SCG3: variants seen among roughly 807,000 people sequenced by gnomAD.
SCG3 encodes the protein secretogranin III, also known as secretogranin-3.
In SCG3, 38 loss-of-function variants were observed where a neutral mutation model predicts 56.2. The ratio of observed to expected loss-of-function variants is 0.68; its 90% CI spans 0.52 to 0.89. The LOEUF (loss-of-function observed/expected upper bound fraction) is 0.89. SCG3 is among the 40% of genes least tolerant of loss of function. The pLI is 0.00. For synonymous variants in SCG3, 176 were observed against 184.2 expected, an observed-to-expected ratio of 0.96 and a Z score of 0.36; for missense variants, 524 against 540.7, an observed-to-expected ratio of 0.97 and a Z score of 0.31.
chr15:51,713,233 A>G (rs571938354), intron 10 of SCG3, 100 bp from the exon 11 acceptor site: 11 of 765,782 alleles, frequency 1.4e-5, no homozygotes, highest in African/African-American at 5.3e-5. Context: ...CAAATGCTGC[A>G]TAAGTCTAAT....
intron 10 of SCG3, among the ~76,000 whole-genome samples, chr15:51,709,043 C>T (rs1567222021): frequency 6.6e-6 from 1 of 152,096 alleles, no homozygotes; most frequent in African/African-American, 2.4e-5. Flanking sequence ...AATACATACC[C>T]GAGACTGGGT....
chr15:51,701,836 G>A (rs994187084), intron 10 of SCG3, among the ~76,000 whole-genome samples: 11 of 152,098 alleles, frequency 7.2e-5, no homozygotes, highest in Admixed American at 3.3e-4. Flanking sequence ...AGTTCAGGAC[G>A]TGGAGGCTGC....
chr15:51,714,558 C>T (rs1046682742), intron 11 of SCG3, among the ~76,000 whole-genome samples: 3 of 152,222 alleles, frequency 2.0e-5, no homozygotes, highest in African/African-American at 7.2e-5. Context: ...GCTTCTCAAA[C>T]TTTAAAGTGC....
Position 51,702,444 on chromosome 15 carries a change from A to C in SCG3, c.1207+1200A>C, listed in dbSNP as rs145601028. 4.6e-5 allele frequency among the ~76,000 whole-genome samples: 7 copies of C among 152,150 alleles called. No homozygotes were observed. In the East Asian group the frequency reaches 1.4e-3, roughly 29 times the overall value. On this transcript the variant is annotated intron_variant, in intron 10 of 11. Transcript: ENST00000220478. ...CTAATTTTTTGTATTTTTCATAGAG[A>C]TGGGGTTTCATCAAGTTGGCCAGGC...
Position 51,701,222 on chromosome 15 carries a change from A to G in SCG3, c.1185A>G (p.Gly395=), listed in dbSNP as rs766924699. ...DSTKDDNSNP[G]GKTDEPKGKT... ...CAAAAGATGATAACTCCAACCCAGG[A>G]GGAAAGACAGATGAACCCAAAGGTA... Residue 395 remains glycine, a synonymous_variant, in exon 10 of 12, where the codon GGA becomes GGG. Transcript: ENST00000220478. 6.2e-7 allele frequency: 1 copy of G among 1,603,966 alleles called. No individual in the cohort carries two copies. Among genetic ancestry groups the G allele is most frequent in the East Asian group, 2.2e-5 (1 of 44,802 alleles).
rs950264722 is a variant in SCG3 at position 51,681,609 on chromosome 15, T to G, written c.-147T>G. The G allele has an allele frequency of 1.6e-6, 1 of 642,102 alleles. No individual in the cohort carries two copies. Among genetic ancestry groups the G allele is most frequent in the African/African-American group, 1.8e-5 (1 of 54,732 alleles). The allele number at this position is 642,102 out of a possible 1,614,324, so 39.8% of individuals were successfully genotyped here. The stretch of plus-strand genomic sequence containing the variant: ...TCCCTTGACCGTCGAGTGTCAGAGA[T>G]CCTGCAGCCGCCCAGTCCCGGCCCC... On this transcript the variant is annotated 5_prime_UTR_variant, in exon 1 of 12. Coordinates refer to ENST00000220478, the MANE Select transcript of SCG3 (RefSeq NM_013243.4).
chr15:51,719,591 C>A lies in SCG3; in HGVS notation c.*65C>A. ...AAACATAATATAGCTTAAAACACTT[C>A]TAATTCTGTGATTAAAATTTTTTGA... On this transcript the variant is annotated 3_prime_UTR_variant, in exon 12 of 12. Coordinates refer to ENST00000220478, the MANE Select transcript of SCG3 (RefSeq NM_013243.4). 1.7e-6 allele frequency: 2 copies of A among 1,159,174 alleles called. No individual in the cohort carries two copies. The highest frequency in any genetic ancestry group is 2.5e-6 in the Non-Finnish European group (2 of 795,358). 71.8% of individuals were successfully genotyped at this position (1,159,174 alleles called of 1,614,324 possible).
At chr15:51,712,907 A>G (rs2055429745) in intron 10 of SCG3, among the ~76,000 whole-genome samples, 1 of 152,166 alleles carries the variant, frequency 6.6e-6, no homozygotes, top group Admixed American at 6.5e-5. Context: ...GAAGTGATGG[A>G]ATCTTTAAGT....
intron 4 of SCG3, among the ~76,000 whole-genome samples, 174 bp downstream of exon 4, chr15:51,683,608 G>A (rs2055210108): frequency 6.6e-6 from 1 of 152,034 alleles, no homozygotes. Context: ...GCTCCACAGA[G>A]TGCCATATTT....
intron 4 of SCG3, among the ~76,000 whole-genome samples, chr15:51,685,302 T>A (rs2055221433): frequency 6.6e-6 from 1 of 152,264 alleles, no homozygotes; most frequent in Non-Finnish European, 1.5e-5. Flanking sequence ...ACTGAAGTGA[T>A]CATTTGATTT....
chr15:51,688,698 A>G (rs181775444), intron 5 of SCG3, among the ~76,000 whole-genome samples: 169 of 152,260 alleles, frequency 1.1e-3, no homozygotes, highest in African/African-American at 4.0e-3. Context: ...GAAGAGGCGT[A>G]TGAAGGAAGC....
chr15:51,699,370 A>T lies in SCG3; in HGVS notation c.1037A>T (p.Asn346Ile). 1 of 1,608,970 alleles carries T rather than the reference A, an allele frequency of 6.2e-7. No homozygotes were observed. Among genetic ancestry groups the T allele is most frequent in the Non-Finnish European group, 8.5e-7 (1 of 1,178,488 alleles). ...CAGACCAAAAACAAGCTAGAAAAAA[A>T]TGCTACTGACAATATAAGCAAGCTT... is the stretch of plus-strand genomic sequence containing the variant. ...ALQTKNKLEK[N>I]ATDNISKLFP... Residue 346 changes from asparagine (N) to isoleucine (I), a missense_variant, in exon 9 of 12, where the codon AAT (asparagine) becomes ATT (isoleucine). Transcript: ENST00000220478.
intron 10 of SCG3, among the ~76,000 whole-genome samples, chr15:51,710,257 T>C (rs2141579450): frequency 6.6e-6 from 1 of 152,278 alleles, no homozygotes; most frequent in South Asian, 2.1e-4. Flanking sequence ...TAACAAATTA[T>C]ATGCTACAGT....
At chr15:51,699,537 T>C in intron 9 of SCG3, 135 bp downstream of exon 9, 2 of 673,492 alleles carry the variant, frequency 3.0e-6, no homozygotes, top group Non-Finnish European at 5.0e-6. Flanking sequence ...AGCCATAGGA[T>C]TAATTAGATG....
At chr15:51,682,243 T>G (rs1251005449) in intron 1 of SCG3, among the ~76,000 whole-genome samples, 1 of 151,696 alleles carries the variant, frequency 6.6e-6, no homozygotes, top group East Asian at 1.9e-4. Flanking sequence ...CTGATAACCC[T>G]AGTGTTAGAA....
In SCG3 at chr15:51,681,825, G is replaced by C. The variant is rs764781091; in HGVS notation, c.70G>C (p.Gly24Arg). 1.9e-6 allele frequency: 3 copies of C among 1,613,820 alleles called. No homozygotes were observed. The African/African-American group carries it at 4.0e-5, about 22-fold the overall frequency. Residue 24 changes from glycine (G) to arginine (R), a missense_variant, in exon 1 of 12, where the codon GGA (glycine) becomes CGA (arginine). By Grantham distance (125) the Gly-to-Arg change is moderately radical. Coordinates refer to ENST00000220478, the MANE Select transcript of SCG3 (RefSeq NM_013243.4). ...CCCGATTCAAGCTTTCCCCAAACCT[G>C]GAGGAAGCCAAGGTATGTGAACACT... ...VLPIQAFPKP[G>R]GSQDKSLHNR...
At chr15:51,689,133 T>A (rs1206936520) in intron 5 of SCG3, 86 bp from the exon 6 acceptor site, 2 of 1,375,206 alleles carry the variant, frequency 1.5e-6, no homozygotes, top group South Asian at 2.7e-5. Context: ...AAAAAATACA[T>A]GTTTGACTAC....
intron 10 of SCG3, among the ~76,000 whole-genome samples, chr15:51,710,429 A>G (rs1322170581): frequency 6.6e-6 from 1 of 152,214 alleles, no homozygotes; most frequent in East Asian, 1.9e-4. Context: ...AATTTTCTTT[A>G]AGCTATAGTA....
At chr15:51,717,232 G>C (rs2055462618) in intron 11 of SCG3, among the ~76,000 whole-genome samples, 1 of 152,122 alleles carries the variant, frequency 6.6e-6, no homozygotes, top group Non-Finnish European at 1.5e-5. Flanking sequence ...GCTGGGCGTG[G>C]TGGCACGTGC....
Sources: gnomAD v4.1 joint callset for allele counts (sites outside exome capture counted in the v4.1 genomes callset) on GRCh38, gnomAD v4.1.1 for gene constraint, MANE v1.5 for transcripts, NCBI Gene and HGNC (gene_info 2026-07-23, HGNC 2026-07-21) for gene names.